CDH4: variants seen among roughly 807,000 people sequenced by gnomAD.
The protein encoded by CDH4 is cadherin-4.
CDH4 carries 33 observed loss-of-function variants against 86.0 expected under a neutral mutation model. The ratio of observed to expected loss-of-function variants is 0.38; its 90% CI spans 0.29 to 0.51. The LOEUF is 0.51. Ranked by LOEUF, CDH4 falls within the 20% of genes least tolerant of loss-of-function variation. The pLI is 0.86. For missense variants in CDH4, 1,114 were observed against 1,307.4 expected (o/e 0.85, Z 2.28); for synonymous variants, 555 against 549.4 (o/e 1.01, Z -0.14).
chr20:61,698,987 A>G (rs949670256), intron 2 of CDH4, among the ~76,000 whole-genome samples: 17 of 152,212 alleles, frequency 1.1e-4, no homozygotes, highest in Non-Finnish European at 1.9e-4. Context: ...CCCGTTACAG[A>G]TTCACCCACT....
At chr20:61,817,833 G>A (rs972466849) in intron 4 of CDH4, among the ~76,000 whole-genome samples, 12 of 152,194 alleles carry the variant, frequency 7.9e-5, no homozygotes, top group Non-Finnish European at 1.2e-4. Context: ...AACGCACTGC[G>A]AATGCCTGGG....
intron 2 of CDH4, among the ~76,000 whole-genome samples, chr20:61,541,378 A>C (rs2086038277): frequency 6.6e-6 from 1 of 152,124 alleles, no homozygotes; most frequent in Non-Finnish European, 1.5e-5. Flanking sequence ...CCCTCTGCTG[A>C]TGTTTTATTT....
intron 4 of CDH4, among the ~76,000 whole-genome samples, chr20:61,799,640 A>C (rs4925287): frequency 1.4e-4 from 21 of 152,064 alleles, no homozygotes; most frequent in Non-Finnish European, 2.5e-4. Flanking sequence ...GGCACTGGGG[A>C]TAGGAGGGGT....
chr20:61,931,482 C>CA (rs1200796368), intron 13 of CDH4, among the ~76,000 whole-genome samples: 1 of 152,174 alleles, frequency 6.6e-6, no homozygotes, highest in Non-Finnish European at 1.5e-5. Flanking sequence ...ATCGGGTTGG[C>CA]AAAAAACAGC....
At position 61,252,593 on chromosome 20, in the gene CDH4, C is replaced by T. The variant is rs2084068164; in HGVS notation, c.57+23C>T. On this transcript the variant is annotated intron_variant, in intron 1 of 15. Coordinates refer to ENST00000614565, the MANE Select transcript of CDH4 (RefSeq NM_001794.5). This position sits in a 1 kb window ranked among gnomAD's most constrained non-coding sequence, Gnocchi z 4.4. ...CGGGTAAGTTGCCGCCTCCCGCCCC[C>T]GCCGTTCGGAAGCCCCGGGCAGCGG... 7 of 1,200,674 alleles carry T rather than the reference C, an allele frequency of 5.8e-6. No homozygotes were observed. The highest frequency in any genetic ancestry group is 7.2e-6 in the Non-Finnish European group (7 of 966,738). The allele number at this position is 1,200,674 out of a possible 1,614,324, so 74.4% of individuals were successfully genotyped here. A position where few individuals can be genotyped will look rare whatever the true frequency, so the allele number is the denominator to read the frequency against.
chr20:61,731,806 C>T (rs983834468), intron 2 of CDH4, among the ~76,000 whole-genome samples: 2 of 152,148 alleles, frequency 1.3e-5, no homozygotes, highest in African/African-American at 4.8e-5. Flanking sequence ...GGGGGTGCGG[C>T]TGTTCCTCCA....
chr20:61,762,007 T>C (rs2088639877), intron 3 of CDH4, among the ~76,000 whole-genome samples: 2 of 152,208 alleles, frequency 1.3e-5, no homozygotes, highest in African/African-American at 4.8e-5. Flanking sequence ...GCTGCAATGC[T>C]TTGCCTTTGC....
At chr20:61,316,004 T>C (rs2084474391) in intron 2 of CDH4, among the ~76,000 whole-genome samples, 1 of 152,194 alleles carries the variant, frequency 6.6e-6, no homozygotes, top group Admixed American at 6.5e-5. Flanking sequence ...CACAGGGCCC[T>C]GGAAGCTGGG....
intron 2 of CDH4, among the ~76,000 whole-genome samples, chr20:61,683,277 A>T (rs1321595089): frequency 2.0e-5 from 3 of 152,152 alleles, no homozygotes; most frequent in Non-Finnish European, 4.4e-5. Flanking sequence ...TGATCTTTGG[A>T]AGGATGAGTA....
At chr20:61,899,472 G>A (rs561505183) in intron 8 of CDH4, among the ~76,000 whole-genome samples, 57 of 152,104 alleles carry the variant, frequency 3.7e-4, no homozygotes, top group Non-Finnish European at 7.1e-4. Flanking sequence ...CTGTCGCCCA[G>A]GCTGGAGTGC....
intron 2 of CDH4, among the ~76,000 whole-genome samples, chr20:61,435,342 G>A (rs993769497): frequency 2.6e-5 from 4 of 152,222 alleles, no homozygotes; most frequent in African/African-American, 9.6e-5. Context: ...AGAGAAAGGA[G>A]GGTTGGACCT....
chr20:61,529,491 T>G (rs375242901), intron 2 of CDH4, among the ~76,000 whole-genome samples: 10 of 152,224 alleles, frequency 6.6e-5, no homozygotes, highest in African/African-American at 2.4e-4. Flanking sequence ...GGGTGAATGT[T>G]GGTTTTTATA....
At position 61,324,486 on chromosome 20, in the gene CDH4, T is replaced by C. The variant is rs575283293; in HGVS notation, c.169+69549T>C. ...AGCTCCTGGTGGCTGCTGGCAGACC[T>C]TGGCTGTGGGCTCAGATGCTCCAGT... On this transcript the variant is annotated intron_variant, in intron 2 of 15. Transcript: ENST00000614565. Among the ~76,000 whole-genome samples, 5 of 152,290 alleles carry C rather than the reference T, an allele frequency of 3.3e-5. No individual in the cohort carries two copies. In the South Asian group the frequency reaches 1.0e-3, roughly 32 times the overall value.
rs6142860 is a variant in CDH4 at position 61,410,465 on chromosome 20, C to T, written c.169+155528C>T. Among the ~76,000 whole-genome samples the T allele has an allele frequency of 4.1e-3, 365 of 89,284 alleles. 2 individuals are homozygous for T. Among genetic ancestry groups the T allele is most frequent in the East Asian group, 0.032 (24 of 754 alleles). The allele number at this position is 89,284 out of a possible 152,430, so 58.6% of individuals were successfully genotyped here. On this transcript the variant is annotated intron_variant, in intron 2 of 15. Transcript: ENST00000614565. ...TCCATCCATCCATCCATCCATCCAT[C>T]CATCCTCTCACTTGTTAGTCCATTG...
In CDH4 at chr20:61,933,136, GCCCGCC is replaced by G. The variant is rs769461276; in HGVS notation, c.2379+19_2379+24del. 1.9e-6 allele frequency: 3 copies of G among 1,609,252 alleles called. No homozygotes were observed. In the East Asian group the frequency reaches 6.7e-5, roughly 36 times the overall value. On this transcript the variant is annotated intron_variant, in intron 14 of 15. Transcript: ENST00000614565. ...GCGAGGAGGACCAGGTGAGACTGCGGCCCGCCCCCGCCTCCCCACGCGAGGCCGGCT... is the reference window on the plus strand; with the variant it reads ...GCGAGGAGGACCAGGTGAGACTGCGGCCCGCCTCCCCACGCGAGGCCGGCT...
chr20:61,667,823 C>T (rs1353931755), intron 2 of CDH4, among the ~76,000 whole-genome samples: 1 of 152,164 alleles, frequency 6.6e-6, no homozygotes, highest in African/African-American at 2.4e-5. Context: ...TGAATGAATG[C>T]AAGGGCAGAG....
chr20:61,535,858 C>T (rs1276470042), intron 2 of CDH4, among the ~76,000 whole-genome samples: 3 of 152,226 alleles, frequency 2.0e-5, no homozygotes, highest in Admixed American at 6.5e-5. Context: ...TGTTCCCGCT[C>T]CTGCCCCTTT....
chr20:61,602,408 G>A (rs2086608596), intron 2 of CDH4, among the ~76,000 whole-genome samples: 2 of 152,084 alleles, frequency 1.3e-5, no homozygotes, highest in Admixed American at 1.3e-4. Context: ...TAACTTCCGG[G>A]ACTCCACTGT....
chr20:61,357,111 G>T (rs1010587283), intron 2 of CDH4, among the ~76,000 whole-genome samples: 2 of 152,194 alleles, frequency 1.3e-5, no homozygotes, highest in Non-Finnish European at 2.9e-5. Context: ...CAGGCTAGAA[G>T]CATGGCCATG....
Sources: gnomAD v4.1 joint callset for allele counts (sites outside exome capture counted in the v4.1 genomes callset) on GRCh38, gnomAD v4.1.1 for gene constraint, Gnocchi (gnomAD v3.1) non-coding constraint, MANE v1.5 for transcripts, NCBI Gene and HGNC (gene_info 2026-07-23, HGNC 2026-07-21) for gene names.